LIMS2: variants seen among roughly 807,000 people sequenced by gnomAD.
LIMS2 encodes LIM and senescent cell antigen-like-containing domain protein 2.
Under a neutral mutation model 45.3 loss-of-function variants are expected in LIMS2, and 30 were observed. The observed-to-expected ratio is 0.66, with a 90% CI of 0.50 to 0.90. The LOEUF is 0.90. LIMS2 is among the 40% of genes least tolerant of loss of function. LIMS2 has a pLI of 0.00. For synonymous variants in LIMS2, 173 were observed against 188.0 expected (o/e 0.92, Z 0.65); for missense variants, 485 against 468.7 (o/e 1.03, Z -0.32).
chr2:127,642,034 A>C lies in LIMS2; in HGVS notation c.660+15T>G. ...CCCCCCAACCTGAGGCCACGTGTCC[A>C]CCAGCCTGGCTCACCTCCACGTGCC... On this transcript the variant is annotated intron_variant, in intron 6 of 9. Coordinates refer to ENST00000355119, the MANE Select transcript of LIMS2 (RefSeq NM_001161403.3). This position sits in a 1 kb window ranked among gnomAD's most constrained non-coding sequence, Gnocchi z 5.3. 1 of 1,609,540 alleles carries C rather than the reference A, an allele frequency of 6.2e-7. No homozygotes were observed. Among genetic ancestry groups the C allele is most frequent in the South Asian group, 1.1e-5 (1 of 90,254 alleles).
Position 127,663,736 on chromosome 2 carries a change from C to T in LIMS2, c.12-6174G>A, listed in dbSNP as rs1294359755. Among the ~76,000 whole-genome samples the T allele has an allele frequency of 2.6e-5, 4 of 152,116 alleles. No homozygotes were observed. The East Asian group carries it at 5.8e-4, about 22-fold the overall frequency. On this transcript the variant is annotated intron_variant, in intron 1 of 9. Transcript: ENST00000355119. Reference sequence around the variant, plus strand: ...CACAGCCCTATTGCTCTCTCTTCCCCGCTGGCCCCTCGGCACTGCAAAGGC... The same window carrying T: ...CACAGCCCTATTGCTCTCTCTTCCCTGCTGGCCCCTCGGCACTGCAAAGGC...
chr2:127,651,684 C>T, intron 4 of LIMS2: 1 of 1,613,274 alleles, frequency 6.2e-7, no homozygotes, highest in Non-Finnish European at 8.5e-7. Flanking sequence ...TGGCAAAAGG[C>T]TCAAGGGCCC....
chr2:127,675,581 C>A (rs560922617), upstream of LIMS2, among the ~76,000 whole-genome samples: 26 of 152,188 alleles, frequency 1.7e-4, no homozygotes, highest in African/African-American at 6.0e-4. Context: ...TTATAATAAA[C>A]GCGAACAAGC....
Position 127,675,125 on chromosome 2 carries a change from G to A in LIMS2, c.-101C>T, listed in dbSNP as rs1379593484. The A allele has an allele frequency of 6.4e-5, 73 of 1,139,736 alleles. No individual in the cohort carries two copies. The highest frequency in any genetic ancestry group is 7.8e-5 in the Non-Finnish European group (71 of 908,878). The allele number at this position is 1,139,736 out of a possible 1,614,324, so 70.6% of individuals were successfully genotyped here. ...CGCCCGCCCGCCAGCCCGGGCCGCG[G>A]AGCAGGGAGACGCCCAAAAAAGGCC... On this transcript the variant is annotated 5_prime_UTR_variant, in exon 1 of 10. Coordinates refer to ENST00000355119, the MANE Select transcript of LIMS2 (RefSeq NM_001161403.3).
chr2:127,644,446 C>T (rs1682747659), intron 4 of LIMS2, among the ~76,000 whole-genome samples: 1 of 152,216 alleles, frequency 6.6e-6, no homozygotes, highest in African/African-American at 2.4e-5. Context: ...TGCCCAGACA[C>T]CTGTGCCCCA....
Position 127,664,784 on chromosome 2 carries a change from G to C in LIMS2, c.12-7222C>G, listed in dbSNP as rs1041592626. On this transcript the variant is annotated intron_variant, in intron 1 of 9. Transcript: ENST00000355119. The surrounding 1 kb of genome is among the most constrained non-coding windows in gnomAD (Gnocchi z 5.5). Reference sequence around the variant, plus strand: ...CTGTGCCCGTGGACACACTGAGGAGGGCAGAGTCAGCTGAGGAGGACAGGG... The same window carrying C: ...CTGTGCCCGTGGACACACTGAGGAGCGCAGAGTCAGCTGAGGAGGACAGGG... 1.3e-5 allele frequency among the ~76,000 whole-genome samples: 2 copies of C among 152,182 alleles called. No homozygotes were observed. The highest frequency in any genetic ancestry group is 2.9e-5 in the Non-Finnish European group (2 of 68,026).
rs116617570 is a variant in LIMS2 at position 127,664,704 on chromosome 2, C to G, written c.12-7142G>C. 29,371 of 707,150 alleles carry G rather than the reference C, an allele frequency of 0.042. 715 individuals carry two copies. Among genetic ancestry groups the G allele is most frequent in the African/African-American group, 0.075 (3,916 of 51,900 alleles). 43.8% of individuals were successfully genotyped at this position (707,150 alleles called of 1,614,324 possible). A position where few individuals can be genotyped will look rare whatever the true frequency, so the allele number is the denominator to read the frequency against. On this transcript the variant is annotated intron_variant, in intron 1 of 9. Coordinates refer to ENST00000355119, the MANE Select transcript of LIMS2 (RefSeq NM_001161403.3). The surrounding 1 kb of genome is among the most constrained non-coding windows in gnomAD (Gnocchi z 5.5). ...CCAGACAGCACTGAGGTGAGGTCCA[C>G]AGTGGCGGCAGGACACCCAGGAGGT...
chr2:127,667,151 T>C lies in LIMS2; in HGVS notation c.11+7863A>G, dbSNP rs151194473. On this transcript the variant is annotated intron_variant, in intron 1 of 9. Transcript: ENST00000355119. This position sits in a 1 kb window ranked among gnomAD's most constrained non-coding sequence, Gnocchi z 4.1. The stretch of plus-strand genomic sequence containing the variant: ...TACAAACAAACATACAAAACACCAG[T>C]GTGGTGGCACATGCCTATAATCCCA... 1.2e-3 allele frequency among the ~76,000 whole-genome samples: 178 copies of C among 152,160 alleles called. No homozygotes were observed. Among genetic ancestry groups the C allele is most frequent in the African/African-American group, 3.7e-3 (153 of 41,516 alleles).
chr2:127,641,872 G>A (rs1189632558), intron 6 of LIMS2, 177 bp downstream of exon 6: 11 of 665,348 alleles, frequency 1.7e-5, no homozygotes, highest in Non-Finnish European at 2.7e-5. Flanking sequence ...GGCTCCCGTG[G>A]GCAGGCTGGG....
intron 1 of LIMS2, among the ~76,000 whole-genome samples, chr2:127,680,957 C>T (rs1034654222): frequency 2.6e-5 from 4 of 152,206 alleles, no homozygotes; most frequent in African/African-American, 9.7e-5. Context: ...GCACCTGCCT[C>T]TCCCTGCCTC....
chr2:127,664,283 C>A lies in LIMS2; in HGVS notation c.12-6721G>T. On this transcript the variant is annotated intron_variant, in intron 1 of 9. Coordinates refer to ENST00000355119, the MANE Select transcript of LIMS2 (RefSeq NM_001161403.3). The surrounding 1 kb of genome is among the most constrained non-coding windows in gnomAD (Gnocchi z 5.5). Reference sequence around the variant, plus strand: ...GCTTTCCGGCCATTGTCCCCGCCACCCGCCCCGCCCCTGGCCACCTACCCC... The same window carrying A: ...GCTTTCCGGCCATTGTCCCCGCCACACGCCCCGCCCCTGGCCACCTACCCC... 8.1e-7 allele frequency: 1 copy of A among 1,233,724 alleles called. No individual in the cohort carries two copies. Among genetic ancestry groups the A allele is most frequent in the South Asian group, 3.7e-5 (1 of 27,244 alleles). The allele number at this position is 1,233,724 out of a possible 1,614,324, so 76.4% of individuals were successfully genotyped here.
intron 7 of LIMS2, 127 bp from the exon 8 acceptor site, chr2:127,640,445 C>T: frequency 9.7e-7 from 1 of 1,035,032 alleles, no homozygotes; most frequent in Non-Finnish European, 1.5e-6. Flanking sequence ...CCTCCCAGGG[C>T]CCAGCTGCAA....
In LIMS2 at chr2:127,675,113, G is replaced by GC. The variant is rs1202685658; in HGVS notation, c.-90dup. On this transcript the variant is annotated 5_prime_UTR_variant, in exon 1 of 10. Transcript: ENST00000355119. ...CCGCCAGCCGAGCGCCCGCCCGCCA[G>GC]CCCGGGCCGCGGAGCAGGGAGACGC... The GC allele has an allele frequency of 4.2e-5, 49 of 1,170,446 alleles. No homozygotes were observed. The highest frequency in any genetic ancestry group is 7.5e-6 in the Non-Finnish European group (7 of 939,132). 72.5% of individuals were successfully genotyped at this position (1,170,446 alleles called of 1,614,324 possible).
upstream of LIMS2, among the ~76,000 whole-genome samples, chr2:127,676,066 G>A (rs1685491999): frequency 6.6e-6 from 1 of 152,176 alleles, no homozygotes; most frequent in Non-Finnish European, 1.5e-5. Context: ...AATCTCTTCG[G>A]AGGAAATTTT....
chr2:127,658,905 C>T (rs1232646713), intron 1 of LIMS2, among the ~76,000 whole-genome samples: 1 of 152,166 alleles, frequency 6.6e-6, no homozygotes, highest in African/African-American at 2.4e-5. Context: ...CAGGATGAAT[C>T]CCACCCAGCA....
At chr2:127,651,007 A>G in intron 4 of LIMS2, 1 of 1,613,650 alleles carries the variant, frequency 6.2e-7, no homozygotes, top group Non-Finnish European at 8.5e-7. Flanking sequence ...CTGGTCTACC[A>G]CTTCTCTGGG....
At chr2:127,654,653 G>A in intron 3 of LIMS2, 109 bp from the exon 4 acceptor site, 2 of 1,554,150 alleles carry the variant, frequency 1.3e-6, no homozygotes, top group Non-Finnish European at 1.8e-6. Flanking sequence ...CCTGGCCCAT[G>A]GGCTCCCTCG....
chr2:127,673,371 A>G (rs1313993246), intron 1 of LIMS2, among the ~76,000 whole-genome samples: 2 of 152,184 alleles, frequency 1.3e-5, no homozygotes, highest in Non-Finnish European at 2.9e-5. Flanking sequence ...AACGCCCTAC[A>G]CAGTGCCTGC....
chr2:127,673,616 C>T, intron 1 of LIMS2: 6 of 1,508,216 alleles, frequency 4.0e-6, no homozygotes, highest in Non-Finnish European at 5.4e-6. Context: ...AGCCCCGCAC[C>T]CTTCACGGCT....
Sources: gnomAD v4.1 joint callset for allele counts (sites outside exome capture counted in the v4.1 genomes callset) on GRCh38, gnomAD v4.1.1 for gene constraint, Gnocchi (gnomAD v3.1) non-coding constraint, MANE v1.5 for transcripts, NCBI Gene and HGNC (gene_info 2026-07-23, HGNC 2026-07-21) for gene names.